The following GABRR1 variants were observed in gnomAD, a reference collection of about 807,000 sequenced individuals.
GABRR1 encodes gamma-aminobutyric acid type A receptor subunit rho1, also known as gamma-aminobutyric acid receptor subunit rho-1.
A neutral mutation model predicts 55.5 loss-of-function variants in GABRR1; 59 were observed. That is an observed-to-expected ratio of 1.06 (90% CI 0.86 to 1.32). GABRR1 has a LOEUF of 1.32. Ranked by LOEUF, GABRR1 falls within the 40% of genes most tolerant of loss-of-function variation. GABRR1 has a pLI of 0.00. For synonymous variants in GABRR1, 213 were observed against 226.0 expected (o/e 0.94, Z 0.51); for missense variants, 602 against 619.1 (o/e 0.97, Z 0.29).
At position 89,186,485 on chromosome 6, in the gene GABRR1, C is replaced by CG. The variant is rs567236225; in HGVS notation, c.656-1036dup. Among the ~76,000 whole-genome samples the CG allele has an allele frequency of 1.5e-3, 229 of 152,298 alleles. 2 individuals are homozygous for CG. The highest frequency in any genetic ancestry group is 5.2e-3 in the African/African-American group (218 of 41,564). On this transcript the variant is annotated intron_variant, in intron 6 of 9. Coordinates refer to ENST00000454853, the MANE Select transcript of GABRR1 (RefSeq NM_002042.5). ...TGCCCCTCCTGCACTCCTGATGGCC[C>CG]GCCCTGCAGATGTGGGACTCTTAGC... is the stretch of plus-strand genomic sequence containing the variant.
At chr6:89,217,445 AATC>A, upstream of GABRR1, 1 of 1,176,900 alleles carries the variant, frequency 8.5e-7, no homozygotes, top group Non-Finnish European at 1.2e-6. Context: ...GCAAAAAAAA[AATC>A]AACCCACAGG....
chr6:89,192,129 G>C (rs1424655018), intron 5 of GABRR1, among the ~76,000 whole-genome samples: 1 of 152,132 alleles, frequency 6.6e-6, no homozygotes, highest in Admixed American at 6.5e-5. Context: ...GAAGCGCAAG[G>C]AGACAGGGAG....
At chr6:89,213,138 G>C (rs1206691654) in intron 1 of GABRR1, among the ~76,000 whole-genome samples, 8 of 152,102 alleles carry the variant, frequency 5.3e-5, no homozygotes, top group Admixed American at 1.3e-4. Flanking sequence ...GGCAGGTAAG[G>C]TGCATAGGGA....
At position 89,198,018 on chromosome 6, in the gene GABRR1, A is replaced by G; in HGVS notation, c.572+2T>C. ...ATATGAATGATCTGCCTTTCTTCCT[A>G]CCTGAGACTATAGAGCACTTTCCCA... On this transcript the variant is annotated splice_donor_variant, in intron 5 of 9. Transcript: ENST00000454853. LOFTEE classifies it high-confidence loss of function. 6.8e-6 allele frequency: 11 copies of G among 1,612,086 alleles called. No homozygotes were observed. Among genetic ancestry groups the G allele is most frequent in the Non-Finnish European group, 9.3e-6 (11 of 1,178,186 alleles).
At position 89,178,458 on chromosome 6, in the gene GABRR1, A is replaced by G. The variant is rs896901885; in HGVS notation, c.*312T>C. Reference sequence around the variant, plus strand: ...ATAGCATCAAGGGTCTAACGGGTGGAACTAAATGTGCCCACAACACTGGTA... The same window carrying G: ...ATAGCATCAAGGGTCTAACGGGTGGGACTAAATGTGCCCACAACACTGGTA... On this transcript the variant is annotated 3_prime_UTR_variant, in exon 10 of 10. Coordinates refer to ENST00000454853, the MANE Select transcript of GABRR1 (RefSeq NM_002042.5). The G allele has an allele frequency of 5.4e-6, 2 of 373,794 alleles. No individual in the cohort carries two copies. The highest frequency in any genetic ancestry group is 4.1e-5 in the African/African-American group (2 of 48,530). 23.2% of individuals were successfully genotyped at this position (373,794 alleles called of 1,614,324 possible).
intron 7 of GABRR1, 143 bp downstream of exon 7, chr6:89,185,167 T>C: frequency 1.9e-6 from 2 of 1,073,460 alleles, no homozygotes; most frequent in East Asian, 2.4e-5. Flanking sequence ...CATGAGCCAC[T>C]GCACCCGGCC....
upstream of GABRR1, among the ~76,000 whole-genome samples, chr6:89,219,267 CA>C (rs1390848379): frequency 6.6e-6 from 1 of 151,860 alleles, no homozygotes; most frequent in Non-Finnish European, 1.5e-5. Flanking sequence ...AACTCCGTCC[CA>C]AAAAAAGAAA....
intron 1 of GABRR1, among the ~76,000 whole-genome samples, chr6:89,225,163 T>C (rs1446684975): frequency 2.0e-5 from 3 of 152,208 alleles, no homozygotes; most frequent in African/African-American, 4.8e-5. Flanking sequence ...AGGTGAGTGA[T>C]GAGAATCCAG....
intron 5 of GABRR1, among the ~76,000 whole-genome samples, chr6:89,194,252 A>T (rs543086480): frequency 3.9e-5 from 6 of 152,282 alleles, no homozygotes; most frequent in Admixed American, 2.6e-4. Context: ...ACCCCTAGCC[A>T]GCCTTCCCAC....
chr6:89,199,022 G>T (rs1245414942), intron 4 of GABRR1, among the ~76,000 whole-genome samples: 4 of 152,112 alleles, frequency 2.6e-5, no homozygotes, highest in Non-Finnish European at 4.4e-5. Flanking sequence ...CATTTCGACA[G>T]CCAGGTACAG....
chr6:89,189,195 T>C (rs1772007770), intron 6 of GABRR1, among the ~76,000 whole-genome samples: 1 of 152,110 alleles, frequency 6.6e-6, no homozygotes, highest in Non-Finnish European at 1.5e-5. Context: ...AAAAGATCAG[T>C]TATGTTTATT....
chr6:89,184,276 C>T (rs1482014494), intron 7 of GABRR1, among the ~76,000 whole-genome samples: 3 of 150,706 alleles, frequency 2.0e-5, no homozygotes, highest in Non-Finnish European at 4.4e-5. Flanking sequence ...AATTCCTAGA[C>T]TTCACCACTA....
chr6:89,191,042 CGCAAAAG>C (rs1460098494), intron 5 of GABRR1, among the ~76,000 whole-genome samples: 1 of 152,004 alleles, frequency 6.6e-6, no homozygotes, highest in Non-Finnish European at 1.5e-5. Flanking sequence ...ATATTTGCTA[CGCAAAAG>C]TTGTGGAAAT....
At chr6:89,214,740 G>C (rs1772935743) in intron 1 of GABRR1, among the ~76,000 whole-genome samples, 1 of 152,182 alleles carries the variant, frequency 6.6e-6, no homozygotes, top group African/African-American at 2.4e-5. Flanking sequence ...TTATCAAAAA[G>C]ATGGCCAAGC....
chr6:89,229,313 A>G (rs1773245966), intron 1 of GABRR1, among the ~76,000 whole-genome samples: 1 of 150,932 alleles, frequency 6.6e-6, no homozygotes, highest in Admixed American at 6.6e-5. Flanking sequence ...TTATGATGTT[A>G]GCTGGTGATT....
intron 1 of GABRR1, chr6:89,205,624 T>C (rs1281726585): frequency 6.6e-6 from 1 of 152,396 alleles, no homozygotes; most frequent in Non-Finnish European, 1.5e-5. Flanking sequence ...GTGTCAGAAC[T>C]TTCTTGGAGG....
chr6:89,197,379 C>G (rs1772330569), intron 5 of GABRR1, among the ~76,000 whole-genome samples: 1 of 152,188 alleles, frequency 6.6e-6, no homozygotes, highest in African/African-American at 2.4e-5. Context: ...CTCCATGTGC[C>G]TTGAGTACCA....
Position 89,203,477 on chromosome 6 carries a change from C to G in GABRR1, c.131G>C (p.Arg44Thr), listed in dbSNP as rs1164795932. ...HEMSKKGRPQ[R>T]QRREVHEDAH... ...ATCTTCATGTACTTCTCGTCTTTGT[C>G]TTTGGGGCCTACCATGAACATTAAA... Residue 44 changes from arginine to threonine, a missense_variant, in exon 2 of 10, where the codon AGA becomes ACA. Arg to Thr is a moderately conservative substitution (Grantham distance 71). Coordinates refer to ENST00000454853, the MANE Select transcript of GABRR1 (RefSeq NM_002042.5). 1 of 1,612,728 alleles carries G rather than the reference C, an allele frequency of 6.2e-7. No homozygotes were observed.
In GABRR1 at chr6:89,181,980, C is replaced by T. The variant is rs775793721; in HGVS notation, c.874G>A (p.Ala292Thr). 15 of 1,613,922 alleles carry T rather than the reference C, an allele frequency of 9.3e-6. No individual in the cohort carries two copies. The highest frequency in any genetic ancestry group is 1.2e-5 in the Non-Finnish European group (14 of 1,179,986). ...CAGGACAGCATGACCATCAGGGTAGCGGGGAAATAAGTTTGGAGCAAGAAG... is the reference window on the plus strand; with the variant it reads ...CAGGACAGCATGACCATCAGGGTAGTGGGGAAATAAGTTTGGAGCAAGAAG... Reference protein sequence around the residue: ...FFFLLQTYFPATLMVMLSWVS... With the variant: ...FFFLLQTYFPTTLMVMLSWVS... The change falls in exon 8 of 10, where the codon GCT becomes ACT. Residue 292 changes from alanine (A) to threonine (T), a missense_variant. Ala to Thr is a moderately conservative substitution (Grantham distance 58). Transcript: ENST00000454853.
Sources: gnomAD v4.1 joint callset for allele counts (sites outside exome capture counted in the v4.1 genomes callset) on GRCh38, gnomAD v4.1.1 for gene constraint, MANE v1.5 for transcripts, NCBI Gene and HGNC (gene_info 2026-07-23, HGNC 2026-07-21) for gene names.